ACSM2B: variants seen among roughly 807,000 people sequenced by gnomAD.
ACSM2B encodes the protein acyl-CoA synthetase medium chain family member 2B, also known as acyl-coenzyme A synthetase ACSM2B, mitochondrial.
In ACSM2B, 58 loss-of-function variants were observed where a neutral mutation model predicts 78.6. The observed-to-expected ratio is 0.74, with a 90% CI of 0.60 to 0.92. ACSM2B has a LOEUF of 0.92. Ranked by LOEUF, ACSM2B falls within the 40% of genes least tolerant of loss-of-function variation. The pLI, the probability that ACSM2B is intolerant of heterozygous loss-of-function variation, is 0.00. For missense variants in ACSM2B, 688 were observed against 711.2 expected, an observed-to-expected ratio of 0.97 and a Z score of 0.37; for synonymous variants, 257 against 256.8, an observed-to-expected ratio of 1.00 and a Z score of -0.01.
intron 12 of ACSM2B, chr16:20,541,659 T>C (rs952184027): frequency 4.7e-5 from 7 of 150,314 alleles, no homozygotes; most frequent in African/African-American, 1.5e-4. Flanking sequence ...CTTTCTTTTT[T>C]CCTTTCTTTT....
chr16:20,560,501 A>C (rs1329350465), intron 2 of ACSM2B, among the ~76,000 whole-genome samples: 2 of 151,930 alleles, frequency 1.3e-5, no homozygotes, highest in African/African-American at 2.4e-5. Flanking sequence ...CATTATTGTA[A>C]ATTTCTTGAG....
intron 7 of ACSM2B, 25 bp from the exon 8 acceptor site, chr16:20,548,210 C>T (rs775896795): frequency 9.3e-6 from 15 of 1,613,732 alleles, no homozygotes; most frequent in East Asian, 2.2e-5. Context: ...TAAATGTTTG[C>T]CCTCAGCCTC....
At position 20,544,543 on chromosome 16, in the gene ACSM2B, A is replaced by G. The variant is rs540184664; in HGVS notation, c.1281+614T>C. 1.4e-4 allele frequency: 138 copies of G among 970,780 alleles called. No homozygotes were observed. The South Asian group carries it at 3.6e-3, about 25-fold the overall frequency. The allele number at this position is 970,780 out of a possible 1,614,324, so 60.1% of individuals were successfully genotyped here. A position where few individuals can be genotyped will look rare whatever the true frequency, so the allele number is the denominator to read the frequency against. On this transcript the variant is annotated intron_variant, in intron 10 of 13. Transcript: ENST00000329697. Reference sequence around the variant, plus strand: ...AGAAACTATTATTATTTGATTTATTATTTATTTAGTTTATTAGTCAATTAT... The same window carrying G: ...AGAAACTATTATTATTTGATTTATTGTTTATTTAGTTTATTAGTCAATTAT...
chr16:20,575,342 CTAAG>C (rs558100349), intron 1 of ACSM2B: 45 of 151,344 alleles, frequency 3.0e-4, no homozygotes, highest in African/African-American at 9.2e-4. Flanking sequence ...TATGAGTTTA[CTAAG>C]TATTAACATA....
At chr16:20,553,328 T>C (rs1302436391) in intron 5 of ACSM2B, among the ~76,000 whole-genome samples, 1 of 152,106 alleles carries the variant, frequency 6.6e-6, no homozygotes, top group Non-Finnish European at 1.5e-5. Context: ...AACTATGGGG[T>C]CTGTGATCCA....
chr16:20,565,563 G>A lies in ACSM2B; in HGVS notation c.-8-710C>T, dbSNP rs189262356. On this transcript the variant is annotated intron_variant, in intron 1 of 13. Coordinates refer to ENST00000329697, the MANE Select transcript of ACSM2B (RefSeq NM_001105069.2). ...TAGCAAATGTTAACTAATACAAGTA[G>A]CATCCTTTTCTTTAAATTGAATCTG... is the stretch of plus-strand genomic sequence containing the variant. 7.9e-3 allele frequency among the ~76,000 whole-genome samples: 1,195 copies of A among 152,222 alleles called. 23 individuals are homozygous for A. The highest frequency in any genetic ancestry group is 0.028 in the African/African-American group (1,145 of 41,528).
At chr16:20,560,382 T>C (rs1049842771) in intron 2 of ACSM2B, among the ~76,000 whole-genome samples, 3 of 151,952 alleles carry the variant, frequency 2.0e-5, no homozygotes, top group African/African-American at 7.3e-5. Flanking sequence ...CCCTTGGTGA[T>C]AAATGAGATC....
intron 1 of ACSM2B, among the ~76,000 whole-genome samples, chr16:20,569,546 G>T (rs931819573): frequency 6.6e-6 from 1 of 151,776 alleles, no homozygotes; most frequent in African/African-American, 2.4e-5. Context: ...TCTTGCTTTG[G>T]CTATGATGAC....
At chr16:20,560,775 T>C (rs1440607432) in intron 2 of ACSM2B, among the ~76,000 whole-genome samples, 4 of 152,046 alleles carry the variant, frequency 2.6e-5, no homozygotes, top group South Asian at 2.1e-4. Flanking sequence ...TGAGGAAAAG[T>C]TTGGAACGTC....
At chr16:20,551,451 C>G (rs1424340735) in intron 6 of ACSM2B, among the ~76,000 whole-genome samples, 1 of 151,948 alleles carries the variant, frequency 6.6e-6, no homozygotes, top group Non-Finnish European at 1.5e-5. Flanking sequence ...CCAGCACTGT[C>G]TCTCTCAACC....
At position 20,574,747 on chromosome 16, in the gene ACSM2B, T is replaced by C. The variant is rs569385510; in HGVS notation, c.-9+1460A>G. ...TTTCATTGCAGGTCAGCCACTAACA[T>C]GATAAGAGCTTATGTCTATTTTTCC... On this transcript the variant is annotated intron_variant, in intron 1 of 13. Transcript: ENST00000329697. 5 of 149,926 alleles carry C rather than the reference T, an allele frequency of 3.3e-5. No homozygotes were observed. The East Asian group carries it at 7.9e-4, about 24-fold the overall frequency. The allele number at this position is 149,926 out of a possible 1,614,324, so 9.3% of individuals were successfully genotyped here.
At chr16:20,551,158 A>G (rs990469916) in intron 6 of ACSM2B, among the ~76,000 whole-genome samples, 2 of 152,202 alleles carry the variant, frequency 1.3e-5, no homozygotes, top group African/African-American at 4.8e-5. Flanking sequence ...ATGGTGATAG[A>G]TATCAAACGA....
intron 3 of ACSM2B, among the ~76,000 whole-genome samples, 175 bp downstream of exon 3, chr16:20,559,062 T>G (rs981254114): frequency 1.6e-4 from 25 of 152,242 alleles, no homozygotes; most frequent in Admixed American, 1.3e-3. Context: ...CCTGCATAAG[T>G]GCTTGGCACA....
At chr16:20,555,218 C>T (rs748929429) in intron 4 of ACSM2B, 51 bp downstream of exon 4, 3 of 1,612,202 alleles carry the variant, frequency 1.9e-6, no homozygotes, top group Middle Eastern at 1.7e-4. Flanking sequence ...AAGTGCTTGG[C>T]TCTGTTTCCA....
chr16:20,538,786 T>A (rs2014911131), intron 13 of ACSM2B, among the ~76,000 whole-genome samples: 1 of 152,146 alleles, frequency 6.6e-6, no homozygotes, highest in African/African-American at 2.4e-5. Context: ...ACGCAGAGGT[T>A]ATCGAGTAAG....
At position 20,545,383 on chromosome 16, in the gene ACSM2B, C is replaced by A. The variant is rs201035938; in HGVS notation, c.1180-125G>T. 63 of 1,151,194 alleles carry A rather than the reference C, an allele frequency of 5.5e-5. 1 individual carries two copies. In the East Asian group the frequency reaches 1.7e-3, roughly 31 times the overall value. The allele number at this position is 1,151,194 out of a possible 1,614,324, so 71.3% of individuals were successfully genotyped here. ...CTCTAGTGGAGACTGAAAACGACAA[C>A]CAAAAACCAAGGGAACCCAAGAGTC... On this transcript the variant is annotated intron_variant, in intron 9 of 13. Transcript: ENST00000329697.
At position 20,566,708 on chromosome 16, in the gene ACSM2B, A is replaced by AT. The variant is rs1567218462; in HGVS notation, c.-8-1856_-8-1855insA. On this transcript the variant is annotated intron_variant, in intron 1 of 13. Transcript: ENST00000329697. ...TATATACTATATATAGTATATATAT[A>AT]GTATATATAGTATATACTATATATA... Among the ~76,000 whole-genome samples the AT allele has an allele frequency of 7.0e-3, 258 of 36,922 alleles. 26 individuals are homozygous for AT. The highest frequency in any genetic ancestry group is 0.048 in the East Asian group (24 of 500). 24.2% of individuals were successfully genotyped at this position (36,922 alleles called of 152,430 possible).
intron 5 of ACSM2B, among the ~76,000 whole-genome samples, chr16:20,552,916 G>A (rs2015363067): frequency 5.9e-5 from 9 of 152,092 alleles, no homozygotes; most frequent in Admixed American, 5.2e-4. Flanking sequence ...CAGCTCTGTA[G>A]GGAAATTAGG....
At position 20,559,368 on chromosome 16, in the gene ACSM2B, A is replaced by C. The variant is rs1596725265; in HGVS notation, c.257T>G (p.Leu86Arg). ...GKELMWNFRE[L>R]SENSQQAANI... Reference sequence around the variant, plus strand: ...GGCTGCCTGCTGGCTGTTTTCACTCAGTTCTCTGAAATTCCACATTAATTC... The same window carrying C: ...GGCTGCCTGCTGGCTGTTTTCACTCCGTTCTCTGAAATTCCACATTAATTC... Residue 86 changes from leucine to arginine, a missense_variant, in exon 3 of 14, where the codon CTG becomes CGG. Physicochemically the swap from Leu to Arg is moderately radical, Grantham distance 102. Transcript: ENST00000329697. The C allele has an allele frequency of 1.2e-6, 2 of 1,611,484 alleles. No individual in the cohort carries two copies. Among genetic ancestry groups the C allele is most frequent in the Non-Finnish European group, 1.7e-6 (2 of 1,178,662 alleles).
Sources: allele counts gnomAD v4.1 joint callset (sites outside exome capture counted in the v4.1 genomes callset), GRCh38; gene constraint gnomAD v4.1.1; transcripts MANE v1.5; gene names NCBI Gene and HGNC (gene_info 2026-07-23, HGNC 2026-07-21).